LRRC37B: variants seen among roughly 807,000 people sequenced by gnomAD.
The protein encoded by LRRC37B is leucine rich repeat containing 37B.
LRRC37B carries 28 observed loss-of-function variants against 98.3 expected under a neutral mutation model. The observed-to-expected ratio is 0.28, with a 90% CI of 0.21 to 0.39. LRRC37B has a LOEUF of 0.39. Ranked by LOEUF, LRRC37B falls within the 10% of genes least tolerant of loss-of-function variation. The pLI is 1.00. For missense variants in LRRC37B, 938 were observed against 1,182.7 expected (o/e 0.79, Z 3.03); for synonymous variants, 364 against 442.7 (o/e 0.82, Z 2.23).
intron 3 of LRRC37B, among the ~76,000 whole-genome samples, chr17:32,029,148 C>T (rs1487076742): frequency 2.0e-5 from 3 of 151,928 alleles, no homozygotes; most frequent in Admixed American, 2.0e-4. Flanking sequence ...ACTACAGGCA[C>T]ACGCCGCCAT....
intron 7 of LRRC37B, chr17:32,042,389 G>A (rs952445827): frequency 6.1e-5 from 10 of 165,228 alleles, no homozygotes; most frequent in Non-Finnish European, 9.2e-5. Context: ...AGCCCCAGCC[G>A]TGCTGCTAAG....
upstream of LRRC37B, among the ~76,000 whole-genome samples, chr17:32,016,714 C>T (rs1255234228): frequency 6.6e-6 from 1 of 152,166 alleles, no homozygotes; most frequent in Non-Finnish European, 1.5e-5. Flanking sequence ...ATTTTTGCTG[C>T]ACCTCCACTT....
chr17:32,035,462 A>G, intron 6 of LRRC37B, 103 bp from the exon 10 acceptor site: 4 of 1,294,760 alleles, frequency 3.1e-6, no homozygotes, highest in Non-Finnish European at 3.3e-6. Context: ...CTTGTTTTAT[A>G]GAGAAGCCAA....
exon 12 of LRRC37B, chr17:32,053,293 A>C: frequency 6.2e-7 from 1 of 1,611,132 alleles, no homozygotes; most frequent in Non-Finnish European, 8.5e-7. Flanking sequence ...GGCATCAGAA[A>C]AATACAAAGA....
intron 1 of LRRC37B, among the ~76,000 whole-genome samples, chr17:32,010,604 G>T (rs1910503779): frequency 1.3e-5 from 2 of 152,140 alleles, no homozygotes. Flanking sequence ...GTTAATTAGG[G>T]TATCCATCAT....
rs1477376707 is a variant in LRRC37B, at chr17:32,042,001, T to C, written c.2205-3699T>C. 27 of 358,826 alleles carry C rather than the reference T, an allele frequency of 7.5e-5. No homozygotes were observed. In the Middle Eastern group the frequency reaches 3.1e-3, roughly 41 times the overall value. 22.2% of individuals were successfully genotyped at this position (358,826 alleles called of 1,614,324 possible). A position where few individuals can be genotyped will look rare whatever the true frequency, so the allele number is the denominator to read the frequency against. The stretch of plus-strand genomic sequence containing the variant: ...AGACAGGACCCTGGTTTTAAATCCC[T>C]CCACAAGCCTGCTCCTGGCGATGAA... On this transcript the variant is annotated intron_variant, in intron 7 of 11. Transcript: ENST00000327564.
intron 1 of LRRC37B, among the ~76,000 whole-genome samples, chr17:32,011,360 TTTTC>T (rs1488204261): frequency 2.0e-5 from 3 of 151,834 alleles, no homozygotes; most frequent in Admixed American, 6.6e-5. Context: ...TTTCTTTGAT[TTTTC>T]TTTCTTTCTT....
At chr17:32,039,309 G>A (rs1460561900) in intron 7 of LRRC37B, among the ~76,000 whole-genome samples, 62 of 149,452 alleles carry the variant, frequency 4.1e-4, no homozygotes, top group African/African-American at 1.4e-3. Context: ...ATATATATCC[G>A]TCTATATCTA....
chr17:32,047,687 A>G lies in LRRC37B; in HGVS notation c.2324-74A>G, dbSNP rs1324529712. 4 of 1,603,598 alleles carry G rather than the reference A, an allele frequency of 2.5e-6. No individual in the cohort carries two copies. The East Asian group carries it at 6.7e-5, about 27-fold the overall frequency. On this transcript the variant is annotated intron_variant, in intron 8 of 11. Coordinates refer to ENST00000327564, the Ensembl canonical transcript of LRRC37B. ...GACTCTTACTCTGTGTGACTGGGGC[A>G]TATAGCTATGGACTGAGTATGAAAG...
At position 32,008,135 on chromosome 17, in the gene LRRC37B, AC is replaced by A; in HGVS notation, c.-191+6del. On this transcript the variant is annotated splice_donor_region_variant and intron_variant, in intron 1 of 14. Coordinates refer to the LRRC37B transcript ENST00000543378. ...AAGCAGCTTCAGCAGCACTCCAGGT[AC>A]CCACCCAGCGCAGTTGCTGCAGACT... The A allele has an allele frequency of 2.8e-6, 1 of 352,544 alleles. No homozygotes were observed. Among genetic ancestry groups the A allele is most frequent in the Non-Finnish European group, 5.6e-6 (1 of 177,332 alleles). The allele number at this position is 352,544 out of a possible 1,614,324, so 21.8% of individuals were successfully genotyped here.
At chr17:32,041,858 G>A (rs2470253) in intron 7 of LRRC37B, 10 of 458,438 alleles carry the variant, frequency 2.2e-5, no homozygotes, top group African/African-American at 1.8e-4. Context: ...AAACACTAAT[G>A]TTCCTCCAGG....
exon 1 of LRRC37B, chr17:32,021,935 G>A (rs1415637093): frequency 2.5e-6 from 4 of 1,613,956 alleles, no homozygotes; most frequent in Non-Finnish European, 3.4e-6. Flanking sequence ...TCCATCTAGA[G>A]CCCAAAAGTC....
intron 9 of LRRC37B, among the ~76,000 whole-genome samples, chr17:32,048,537 C>G (rs1202824753): frequency 6.6e-6 from 1 of 150,970 alleles, no homozygotes; most frequent in African/African-American, 2.4e-5. Flanking sequence ...AGAGACAGAT[C>G]GAAAGACTTA....
chr17:32,042,741 C>T (rs1244551494), intron 7 of LRRC37B: 1 of 152,100 alleles, frequency 6.6e-6, no homozygotes, highest in African/African-American at 2.4e-5. Context: ...CACAGACACC[C>T]TGGCAGAGAT....
exon 1 of LRRC37B, chr17:32,008,078 G>T (rs779303396): frequency 2.1e-6 from 1 of 471,122 alleles, no homozygotes; most frequent in Non-Finnish European, 4.1e-6. Flanking sequence ...GGAGCTGGAA[G>T]ATGACGACGA....
Position 32,035,023 on chromosome 17 carries a change from G to A in LRRC37B, c.2129+42G>A, listed in dbSNP as rs572031057. The A allele has an allele frequency of 5.3e-6, 7 of 1,329,686 alleles. No homozygotes were observed. In the African/African-American group the frequency reaches 9.0e-5, roughly 17 times the overall value. The allele number at this position is 1,329,686 out of a possible 1,614,324, so 82.4% of individuals were successfully genotyped here. A position where few individuals can be genotyped will look rare whatever the true frequency, so the allele number is the denominator to read the frequency against. On this transcript the variant is annotated intron_variant, in intron 6 of 11. Coordinates refer to ENST00000327564, the Ensembl canonical transcript of LRRC37B. ...TCTCATGAGTCATGAGATGATTTAT[G>A]CTTTTTAAATTTGTCATCAAAGATA...
intron 7 of LRRC37B, chr17:32,040,560 G>A (rs1911395331): frequency 1.3e-6 from 1 of 756,894 alleles, no homozygotes; most frequent in Admixed American, 1.7e-5. Flanking sequence ...CATCAGCAAG[G>A]CGGTGACGGA....
rs1012622901 is a variant in LRRC37B at position 32,037,923 on chromosome 17, C to T, written c.2204+2284C>T. ...GAGATCAAGACCATCCTGGCTAACA[C>T]AGTGAAACCCAGTCTCTACTAAATA... On this transcript the variant is annotated intron_variant, in intron 7 of 11. Coordinates refer to ENST00000327564, the Ensembl canonical transcript of LRRC37B. Among the ~76,000 whole-genome samples, 5 of 152,006 alleles carry T rather than the reference C, an allele frequency of 3.3e-5. No individual in the cohort carries two copies. The East Asian group carries it at 9.8e-4, about 30-fold the overall frequency.
exon 12 of LRRC37B, chr17:32,053,358 A>T: frequency 7.1e-6 from 11 of 1,544,888 alleles, no homozygotes; most frequent in Non-Finnish European, 9.6e-6. Flanking sequence ...GATGGCCTGG[A>T]GCTATGTTTT....
Sources: gnomAD v4.1 joint callset for allele counts (sites outside exome capture counted in the v4.1 genomes callset) on GRCh38, gnomAD v4.1.1 for gene constraint, MANE v1.5 for transcripts, NCBI Gene and HGNC (gene_info 2026-07-23, HGNC 2026-07-21) for gene names.